CDC123: variants seen among roughly 807,000 people sequenced by gnomAD.
The protein encoded by CDC123 is cell division cycle 123.
CDC123 carries 37 observed loss-of-function variants against 54.4 expected under a neutral mutation model. The observed-to-expected ratio is 0.68, with a 90% CI of 0.52 to 0.89. CDC123 has a LOEUF of 0.89. Ranked by LOEUF, CDC123 falls within the 40% of genes least tolerant of loss-of-function variation. The pLI is 0.00. For synonymous variants in CDC123, 144 were observed against 136.8 expected (o/e 1.05, Z -0.37); for missense variants, 361 against 412.1 (o/e 0.88, Z 1.07).
intron 5 of CDC123, among the ~76,000 whole-genome samples, chr10:12,216,159 A>G (rs1316985405): frequency 6.6e-6 from 1 of 152,236 alleles, no homozygotes; most frequent in Non-Finnish European, 1.5e-5. Context: ...CTTTGTTGAA[A>G]AGTAATAAAA....
chr10:12,198,661 G>C, intron 1 of CDC123, 44 bp from the exon 2 acceptor site: 1 of 1,009,470 alleles, frequency 9.9e-7, no homozygotes, highest in Non-Finnish European at 1.6e-6. Context: ...TCTGCTTATA[G>C]TTGGTCTTTT....
intron 1 of CDC123, among the ~76,000 whole-genome samples, chr10:12,198,355 A>G (rs1337915702): frequency 6.6e-6 from 1 of 152,144 alleles, no homozygotes; most frequent in Non-Finnish European, 1.5e-5. Context: ...GGTTTGCTGC[A>G]TTTCCTGTGT....
chr10:12,211,676 C>G (rs905555233), intron 4 of CDC123, among the ~76,000 whole-genome samples: 3 of 152,190 alleles, frequency 2.0e-5, no homozygotes, highest in East Asian at 3.8e-4. Context: ...AAAGGTGACA[C>G]AGGCAGGGGG....
Position 12,246,149 on chromosome 10 carries a change from G to A in CDC123, c.718G>A (p.Gly240Arg). 1 of 1,613,750 alleles carries A rather than the reference G, an allele frequency of 6.2e-7. No homozygotes were observed. Among genetic ancestry groups the A allele is most frequent in the Non-Finnish European group, 8.5e-7 (1 of 1,179,790 alleles). Residue 240 changes from glycine to arginine, a missense_variant and splice_region_variant, in exon 11 of 13, where the codon GGG (glycine) becomes AGG (arginine). By Grantham distance (125) the Gly-to-Arg change is moderately radical. Transcript: ENST00000281141. ...TGTTTTTTCTCTCTCTGTGCTACAG[G>A]GGAAGGTGTGGCTCATTGACTTTAA... ...FVFDIYRDSR[G>R]KVWLIDFNPF...
chr10:12,230,199 GT>G (rs944358687), intron 6 of CDC123, among the ~76,000 whole-genome samples: 79 of 145,512 alleles, frequency 5.4e-4, no homozygotes, highest in African/African-American at 6.8e-4. Flanking sequence ...TGTTTTTTGG[GT>G]TTTTTTTTTT....
At chr10:12,208,624 C>G (rs1259372172) in intron 2 of CDC123, among the ~76,000 whole-genome samples, 1 of 152,102 alleles carries the variant, frequency 6.6e-6, no homozygotes, top group Non-Finnish European at 1.5e-5. Context: ...CTGATAATGC[C>G]AAGGTTGCAG....
intron 2 of CDC123, among the ~76,000 whole-genome samples, chr10:12,206,790 C>G (rs1348968036): frequency 6.6e-6 from 1 of 152,026 alleles, no homozygotes; most frequent in Non-Finnish European, 1.5e-5. Context: ...AACCCCATCT[C>G]TACTAAAAAT....
chr10:12,237,968 T>G (rs1836001773), intron 9 of CDC123, among the ~76,000 whole-genome samples: 1 of 152,244 alleles, frequency 6.6e-6, no homozygotes, highest in Non-Finnish European at 1.5e-5. Flanking sequence ...ATCTGAAAAT[T>G]ATATCTGCTA....
intron 2 of CDC123, among the ~76,000 whole-genome samples, chr10:12,199,921 C>A (rs956618510): frequency 6.6e-6 from 1 of 151,712 alleles, no homozygotes; most frequent in Non-Finnish European, 1.5e-5. Context: ...CTCCCGGGTT[C>A]ACGCTATTCT....
chr10:12,232,470 G>GA (rs1835914178), intron 7 of CDC123, among the ~76,000 whole-genome samples: 1 of 151,858 alleles, frequency 6.6e-6, no homozygotes, highest in African/African-American at 2.4e-5. Context: ...TTAATGTGTT[G>GA]ACTGTAGATA....
intron 6 of CDC123, among the ~76,000 whole-genome samples, chr10:12,223,487 T>C (rs971140256): frequency 8.5e-5 from 13 of 152,096 alleles, no homozygotes; most frequent in Non-Finnish European, 1.6e-4. Flanking sequence ...GGTCTCACCA[T>C]GTTGGCCAGG....
chr10:12,199,027 T>C (rs1035599739), intron 2 of CDC123, among the ~76,000 whole-genome samples: 13 of 152,354 alleles, frequency 8.5e-5, no homozygotes, highest in African/African-American at 2.6e-4. Flanking sequence ...AAAACAGTTA[T>C]GATGACAACT....
intron 7 of CDC123, 36 bp from the exon 8 acceptor site, chr10:12,235,012 G>A (rs1564256747): frequency 1.3e-6 from 2 of 1,499,708 alleles, no homozygotes; most frequent in Non-Finnish European, 1.9e-6. Context: ...TACCACATAG[G>A]TGTGTTATAT....
intron 6 of CDC123, among the ~76,000 whole-genome samples, chr10:12,227,466 A>G (rs1835840858): frequency 3.3e-5 from 5 of 150,936 alleles, no homozygotes; most frequent in Non-Finnish European, 7.4e-5. Context: ...TTGGCTCTAT[A>G]CTGGATATGT....
chr10:12,228,667 T>G (rs1835860320), intron 6 of CDC123, among the ~76,000 whole-genome samples: 1 of 152,114 alleles, frequency 6.6e-6, no homozygotes, highest in Non-Finnish European at 1.5e-5. Flanking sequence ...GCCTCCCAGG[T>G]TCAAGCGATT....
chr10:12,228,428 C>T (rs1249050473), intron 6 of CDC123, among the ~76,000 whole-genome samples: 5 of 146,260 alleles, frequency 3.4e-5, no homozygotes, highest in Admixed American at 2.1e-4. Context: ...TTTTTTGAAA[C>T]GGTGTCTTAC....
intron 6 of CDC123, among the ~76,000 whole-genome samples, chr10:12,224,735 A>G (rs985339264): frequency 6.6e-6 from 1 of 152,208 alleles, no homozygotes; most frequent in African/African-American, 2.4e-5. Context: ...TTAATGTTAA[A>G]TAGTAACCCA....
chr10:12,234,497 G>T (rs566910448), intron 7 of CDC123, among the ~76,000 whole-genome samples: 2 of 152,318 alleles, frequency 1.3e-5, no homozygotes, highest in Admixed American at 6.5e-5. Context: ...GGGGTTATAG[G>T]CGTGAGCCTC....
chr10:12,214,809 A>G (rs1302049165), intron 4 of CDC123, among the ~76,000 whole-genome samples: 1 of 151,054 alleles, frequency 6.6e-6, no homozygotes, highest in East Asian at 1.9e-4. Flanking sequence ...TTTTTTTCCT[A>G]GGGAAGAAGT....
Sources: gnomAD v4.1 joint callset for allele counts (sites outside exome capture counted in the v4.1 genomes callset) on GRCh38, gnomAD v4.1.1 for gene constraint, MANE v1.5 for transcripts, NCBI Gene and HGNC (gene_info 2026-07-23, HGNC 2026-07-21) for gene names.